Variants in CHN1 observed in about 807,000 individuals in gnomAD.
CHN1 encodes chimerin 1, also known as N-chimaerin.
Under a neutral mutation model 59.5 loss-of-function variants are expected in CHN1, and 37 were observed. That is an observed-to-expected ratio of 0.62 (90% CI 0.48 to 0.82). The LOEUF is 0.82. CHN1 is among the 40% of genes least tolerant of loss of function. The pLI, the probability that CHN1 is intolerant of heterozygous loss-of-function variation, is 0.00. For synonymous variants in CHN1, 206 were observed against 200.4 expected (o/e 1.03, Z -0.24); for missense variants, 469 against 571.0 (o/e 0.82, Z 1.82).
At chr2:174,961,671 T>A (rs1029963203) in intron 1 of CHN1, among the ~76,000 whole-genome samples, 2 of 152,072 alleles carry the variant, frequency 1.3e-5, no homozygotes, top group Non-Finnish European at 2.9e-5. Flanking sequence ...AACATTTTTA[T>A]GAAAAATAAC....
rs1241092122 is a variant in CHN1 at position 174,989,654 on chromosome 2, G to A, written c.19+15240C>T. 2.0e-5 allele frequency among the ~76,000 whole-genome samples: 3 copies of A among 152,096 alleles called. No homozygotes were observed. The South Asian group carries it at 6.2e-4, about 32-fold the overall frequency. On this transcript the variant is annotated intron_variant, in intron 1 of 12. Transcript: ENST00000409900. ...ATTATTTAAAAATTAGCTGGGCATGGTGGCTCGCACCTGTGGTCTCAGCTA... is the reference window on the plus strand; with the variant it reads ...ATTATTTAAAAATTAGCTGGGCATGATGGCTCGCACCTGTGGTCTCAGCTA...
chr2:174,972,812 G>A (rs1034771938), intron 1 of CHN1, among the ~76,000 whole-genome samples: 2 of 151,626 alleles, frequency 1.3e-5, no homozygotes, highest in African/African-American at 2.4e-5. Flanking sequence ...ACTCAGCTAT[G>A]CATAAGGAAG....
chr2:174,801,723 T>G lies in CHN1; in HGVS notation c.1192A>C (p.Met398Leu). 1 of 1,613,090 alleles carries G rather than the reference T, an allele frequency of 6.2e-7. No individual in the cohort carries two copies. Among genetic ancestry groups the G allele is most frequent in the Non-Finnish European group, 8.5e-7 (1 of 1,179,178 alleles). Residue 398 changes from methionine (M) to leucine (L), a missense_variant, in exon 12 of 13, where the codon ATG becomes CTG. Around this residue, in one of 5 missense-constraint regions of CHN1, gnomAD observed 225 missense variants for 289.9 expected, o/e 0.78. Coordinates refer to ENST00000409900, the MANE Select transcript of CHN1 (RefSeq NM_001822.7). Reference protein sequence around the residue: ...PAHCETLRYLMAHLKRVTLHE... With the variant: ...PAHCETLRYLLAHLKRVTLHE... ...ATAGCTTGCCTCTTTAGATGTGCCA[T>G]GAGGTACCGGAGGGTTTCGCAGTGA...
chr2:175,000,543 A>G (rs950493021), intron 1 of CHN1, among the ~76,000 whole-genome samples: 1 of 152,048 alleles, frequency 6.6e-6, no homozygotes, highest in African/African-American at 2.4e-5. Flanking sequence ...TCCTGGGTTC[A>G]TGGGATTCTC....
At chr2:174,922,405 G>A (rs1689041254) in intron 3 of CHN1, among the ~76,000 whole-genome samples, 1 of 152,030 alleles carries the variant, frequency 6.6e-6, no homozygotes, top group African/African-American at 2.4e-5. Context: ...TTTTAAAATG[G>A]GTTAGTCAGG....
At chr2:174,820,400 T>G (rs1685444060) in intron 8 of CHN1, among the ~76,000 whole-genome samples, 1 of 152,246 alleles carries the variant, frequency 6.6e-6, no homozygotes, top group African/African-American at 2.4e-5. Context: ...GGTTTTGATT[T>G]GCATTTCTCT....
chr2:175,001,077 G>T (rs1231444305), intron 1 of CHN1, among the ~76,000 whole-genome samples: 4 of 152,156 alleles, frequency 2.6e-5, no homozygotes, highest in African/African-American at 7.2e-5. Context: ...TTGCCACCAT[G>T]TCTGACTAAA....
In CHN1 at chr2:175,005,347, C is replaced by T. The variant is rs1382656696; in HGVS notation, c.-435G>A. 4 of 1,150,512 alleles carry T rather than the reference C, an allele frequency of 3.5e-6. 1 individual carries two copies. Among genetic ancestry groups the T allele is most frequent in the South Asian group, 3.7e-5 (2 of 54,420 alleles). 71.3% of individuals were successfully genotyped at this position (1,150,512 alleles called of 1,614,324 possible). A position where few individuals can be genotyped will look rare whatever the true frequency, so the allele number is the denominator to read the frequency against. ...GGCGCGCTCACTCCGCATCCCGCGG[C>T]CTCGCAGACGCCATCTTGCGATAGC... On this transcript the variant is annotated 5_prime_UTR_variant, in exon 1 of 13. Transcript: ENST00000409900.
chr2:174,885,351 G>A (rs960734573), intron 5 of CHN1, among the ~76,000 whole-genome samples: 5 of 151,830 alleles, frequency 3.3e-5, no homozygotes, highest in East Asian at 1.9e-4. Context: ...TCAGGTTACC[G>A]TAGTTTTGCT....
chr2:174,897,163 G>A (rs1393195135), intron 5 of CHN1, among the ~76,000 whole-genome samples: 1 of 152,116 alleles, frequency 6.6e-6, no homozygotes, highest in Non-Finnish European at 1.5e-5. Flanking sequence ...ATTCAAAATG[G>A]ATGTTCCAGT....
chr2:174,927,653 C>A (rs891671153), intron 3 of CHN1, among the ~76,000 whole-genome samples: 1 of 152,016 alleles, frequency 6.6e-6, no homozygotes, highest in Non-Finnish European at 1.5e-5. Flanking sequence ...CCAAAAAAAA[C>A]CACAACAATA....
At chr2:174,970,711 T>C (rs1690731749) in intron 1 of CHN1, among the ~76,000 whole-genome samples, 1 of 152,214 alleles carries the variant, frequency 6.6e-6, no homozygotes, top group Non-Finnish European at 1.5e-5. Flanking sequence ...GAGATCATAA[T>C]GTACGAGAGT....
intron 4 of CHN1, among the ~76,000 whole-genome samples, chr2:174,916,178 A>C (rs1202366916): frequency 6.6e-6 from 1 of 152,190 alleles, no homozygotes; most frequent in African/African-American, 2.4e-5. Context: ...AGTCGACAAC[A>C]CATTCATACA....
intron 1 of CHN1, 68 bp downstream of exon 1, chr2:175,004,826 C>T (rs972233981): frequency 1.3e-5 from 15 of 1,141,940 alleles, no homozygotes; most frequent in African/African-American, 1.7e-5. Context: ...CCAGGCCCCC[C>T]AGGCCCCCGC....
intron 2 of CHN1, among the ~76,000 whole-genome samples, chr2:174,948,565 AG>A (rs1347824057): frequency 6.6e-6 from 1 of 152,238 alleles, no homozygotes; most frequent in African/African-American, 2.4e-5. Context: ...AACTAACAGT[AG>A]GAAGTACAAG....
At position 174,812,387 on chromosome 2, in the gene CHN1, G is replaced by T; in HGVS notation, c.808C>A (p.Leu270Ile). ...GTATGTGCTTTCACGAGCGTCGTAA[G>T]GTCACAGCTGTACACCTTTTTGACA... is the stretch of plus-strand genomic sequence containing the variant. Reference protein sequence around the residue: ...KHVKKVYSCDLTTLVKAHTTK... With the variant: ...KHVKKVYSCDITTLVKAHTTK... The change falls in exon 9 of 13, where the codon CTT becomes ATT. Residue 270 changes from leucine to isoleucine, a missense_variant. Around this residue, in one of 5 missense-constraint regions of CHN1, gnomAD observed 225 missense variants for 289.9 expected, o/e 0.78. Transcript: ENST00000409900. The T allele has an allele frequency of 1.2e-6, 2 of 1,613,982 alleles. No homozygotes were observed. Among genetic ancestry groups the T allele is most frequent in the Non-Finnish European group, 1.7e-6 (2 of 1,179,878 alleles).
intron 3 of CHN1, among the ~76,000 whole-genome samples, chr2:174,921,747 A>C (rs1423615062): frequency 3.3e-5 from 5 of 152,224 alleles, no homozygotes; most frequent in African/African-American, 1.2e-4. Context: ...GTGCCAAGCA[A>C]AAGAGGGAAA....
chr2:174,969,081 G>A (rs1453466679), intron 1 of CHN1, among the ~76,000 whole-genome samples: 1 of 152,118 alleles, frequency 6.6e-6, no homozygotes, highest in East Asian at 1.9e-4. Context: ...CCTTTCTAAA[G>A]TCTGAAAAAT....
chr2:174,887,503 T>C (rs372544985), intron 5 of CHN1, among the ~76,000 whole-genome samples: 1 of 152,192 alleles, frequency 6.6e-6, no homozygotes, highest in Admixed American at 6.5e-5. Flanking sequence ...TTACTATTAT[T>C]ACATCCTCAT....
Sources: gnomAD v4.1 joint callset for allele counts (sites outside exome capture counted in the v4.1 genomes callset) on GRCh38, gnomAD v4.1.1 for gene constraint, gnomAD v4.1.1 regional missense constraint, MANE v1.5 for transcripts, NCBI Gene and HGNC (gene_info 2026-07-23, HGNC 2026-07-21) for gene names.